The following DSN1 variants were observed in gnomAD, a reference collection of about 807,000 sequenced individuals.
DSN1 encodes kinetochore-associated protein DSN1 homolog.
Under a neutral mutation model 45.7 loss-of-function variants are expected in DSN1, and 31 were observed. The observed-to-expected ratio is 0.68, with a 90% confidence interval of 0.51 to 0.92. DSN1 has a LOEUF of 0.92. DSN1 is among the 40% of genes least tolerant of loss of function. The pLI, the probability that DSN1 is intolerant of heterozygous loss-of-function variation, is 0.00. For missense variants in DSN1, 394 were observed against 414.2 expected (o/e 0.95, Z 0.42); for synonymous variants, 134 against 142.3 (o/e 0.94, Z 0.41).
intron 5 of DSN1, among the ~76,000 whole-genome samples, chr20:36,764,606 G>A (rs1845074648): frequency 6.6e-6 from 1 of 152,118 alleles, no homozygotes; most frequent in South Asian, 2.1e-4. Context: ...ATGTAAAAGA[G>A]CCACCATCCT....
At chr20:36,760,714 C>T (rs1043146700) in intron 6 of DSN1, among the ~76,000 whole-genome samples, 1 of 151,960 alleles carries the variant, frequency 6.6e-6, no homozygotes, top group African/African-American at 2.4e-5. Context: ...ACGGTGAAAC[C>T]CTGCCTCTAC....
In DSN1 at chr20:36,755,812, T is replaced by G; in HGVS notation, c.743A>C (p.Lys248Thr). The change falls in exon 9 of 11, where the codon AAA (lysine) becomes ACA (threonine). Residue 248 changes from lysine to threonine, a missense_variant. By Grantham distance (78) the Lys-to-Thr change is moderately conservative. Coordinates refer to ENST00000373750, the MANE Select transcript of DSN1 (RefSeq NM_001145315.2). ...AGGTTCCACTTTGACCTCAGTAATT[T>G]TGGCCTCAGTTGATCCTCTAAAAAC... ...EILSRGSTEAKITEVKVEPMT... is the reference protein window; with the variant it reads ...EILSRGSTEATITEVKVEPMT... The G allele has an allele frequency of 1.2e-6, 2 of 1,611,564 alleles. No homozygotes were observed. The highest frequency in any genetic ancestry group is 8.5e-7 in the Non-Finnish European group (1 of 1,179,374).
intron 4 of DSN1, among the ~76,000 whole-genome samples, chr20:36,767,540 T>C (rs1306157538): frequency 6.6e-6 from 1 of 151,822 alleles, no homozygotes; most frequent in African/African-American, 2.4e-5. Context: ...CCAAGGTGGG[T>C]GGACTGCCTG....
chr20:36,767,664 G>A (rs565667213), intron 4 of DSN1, among the ~76,000 whole-genome samples: 1 of 152,330 alleles, frequency 6.6e-6, no homozygotes, highest in South Asian at 2.1e-4. Flanking sequence ...AGCACTTTGG[G>A]AGGCCGAGGC....
At chr20:36,762,440 C>G (rs1463326627) in intron 6 of DSN1, 21 bp downstream of exon 6, 2 of 1,606,448 alleles carry the variant, frequency 1.2e-6, no homozygotes, top group African/African-American at 2.7e-5. Context: ...TAATTTAGGA[C>G]AGAAGGGGAA....
chr20:36,764,636 G>A (rs958441365), intron 5 of DSN1, among the ~76,000 whole-genome samples: 1 of 152,156 alleles, frequency 6.6e-6, no homozygotes. Context: ...AAACGAACAT[G>A]AGGCTGAGCC....
In DSN1 at chr20:36,752,911, A is replaced by C. The variant is rs750179726; in HGVS notation, c.962-14T>G. The C allele has an allele frequency of 6.3e-7, 1 of 1,597,524 alleles. No individual in the cohort carries two copies. Among genetic ancestry groups the C allele is most frequent in the Admixed American group, 1.7e-5 (1 of 59,336 alleles). On this transcript the variant is annotated splice_polypyrimidine_tract_variant and intron_variant, in intron 10 of 10. Transcript: ENST00000373750. ...TGCTTCTCTTTCCTGCAGAGAAAAG[A>C]GGCCAAAAAATAAATTTCAATTGAA...
intron 4 of DSN1, among the ~76,000 whole-genome samples, chr20:36,767,086 A>G (rs1297545695): frequency 1.3e-5 from 2 of 151,920 alleles, no homozygotes; most frequent in Non-Finnish European, 2.9e-5. Context: ...CAGGCGGATA[A>G]TAAGGTCAGG....
rs757812779 is a variant in DSN1 at position 36,762,552 on chromosome 20, G to A, written c.503-4C>T. The A allele has an allele frequency of 1.2e-6, 2 of 1,611,770 alleles. No individual in the cohort carries two copies. The highest frequency in any genetic ancestry group is 4.5e-5 in the East Asian group (2 of 44,828). ...AATTCTTCAGAAAGAGAAGATGCTA[G>A]ACAGCACAAATTTACGTGTCATAAA... On this transcript the variant is annotated splice_region_variant and splice_polypyrimidine_tract_variant and intron_variant, in intron 5 of 10. Transcript: ENST00000373750.
chr20:36,766,443 A>C (rs1004740466), intron 5 of DSN1, among the ~76,000 whole-genome samples: 15 of 151,872 alleles, frequency 9.9e-5, no homozygotes, highest in African/African-American at 3.4e-4. Context: ...CAAGGTGGGC[A>C]GATCACTGAG....
At chr20:36,756,098 A>T (rs1464200666) in intron 8 of DSN1, among the ~76,000 whole-genome samples, 1 of 151,868 alleles carries the variant, frequency 6.6e-6, no homozygotes, top group Non-Finnish European at 1.5e-5. Flanking sequence ...TTCCTGCCTC[A>T]GCCTCCTGAG....
At chr20:36,754,356 A>C (rs1435802983) in intron 10 of DSN1, among the ~76,000 whole-genome samples, 3 of 152,142 alleles carry the variant, frequency 2.0e-5, no homozygotes, top group Non-Finnish European at 4.4e-5. Flanking sequence ...CCCAAAAAAA[A>C]AGTAGAAGAA....
intron 10 of DSN1, among the ~76,000 whole-genome samples, chr20:36,753,324 A>G (rs1410827701): frequency 1.3e-5 from 2 of 150,674 alleles, no homozygotes; most frequent in Non-Finnish European, 3.0e-5. Context: ...TGGGCAACAG[A>G]GCAAGACCCT....
Position 36,754,014 on chromosome 20 carries a change from AAAAC to A in DSN1, c.961+745_961+748del, listed in dbSNP as rs1326029899. Among the ~76,000 whole-genome samples, 6 of 151,682 alleles carry A rather than the reference AAAAC, an allele frequency of 4.0e-5. No individual in the cohort carries two copies. The East Asian group carries it at 5.8e-4, about 15-fold the overall frequency. ...AGAGTGAAACTCCGTCTCAAAAAAA[AAAAC>A]AAACAAAAAAACCCAAAAAAACAAG... is the stretch of plus-strand genomic sequence containing the variant. On this transcript the variant is annotated intron_variant, in intron 10 of 10. Coordinates refer to ENST00000373750, the MANE Select transcript of DSN1 (RefSeq NM_001145315.2).
intron 5 of DSN1, among the ~76,000 whole-genome samples, chr20:36,765,803 A>G (rs1185914214): frequency 6.6e-6 from 1 of 151,578 alleles, no homozygotes; most frequent in East Asian, 1.9e-4. Context: ...GTCTCAAAAA[A>G]AAAAAAAAAT....
At chr20:36,770,191 C>T (rs775239250) in intron 3 of DSN1, among the ~76,000 whole-genome samples, 8 of 152,032 alleles carry the variant, frequency 5.3e-5, no homozygotes, top group Non-Finnish European at 1.0e-4. Context: ...CAGCCTCTCT[C>T]CAGTAGCTGG....
chr20:36,770,797 A>G, intron 3 of DSN1, 76 bp downstream of exon 3: 1 of 1,487,112 alleles, frequency 6.7e-7, no homozygotes, highest in Non-Finnish European at 9.0e-7. Context: ...GCCATACCTC[A>G]CTGCCTCTTA....
intron 8 of DSN1, among the ~76,000 whole-genome samples, chr20:36,757,570 CCAAAACAAAA>C (rs113632354): frequency 1.8e-4 from 28 of 152,000 alleles, no homozygotes; most frequent in East Asian, 1.5e-3. Context: ...GAGTCTGTCT[CCAAAACAAAA>C]CAAAACAAAA....
intron 10 of DSN1, 139 bp from the exon 11 acceptor site, chr20:36,753,036 G>A (rs1986457212): frequency 2.9e-6 from 2 of 690,086 alleles, no homozygotes; most frequent in African/African-American, 1.8e-5. Context: ...TCAAGGAGAT[G>A]ACAATTTGGT....
Sources: gnomAD v4.1 joint callset for allele counts (sites outside exome capture counted in the v4.1 genomes callset) on GRCh38, gnomAD v4.1.1 for gene constraint, MANE v1.5 for transcripts, NCBI Gene and HGNC (gene_info 2026-07-23, HGNC 2026-07-21) for gene names.